PRIMA1: variants seen among roughly 807,000 people sequenced by gnomAD.
The protein encoded by PRIMA1 is proline rich membrane anchor 1, also known as proline-rich membrane anchor 1.
In PRIMA1, 7 loss-of-function variants were observed where a neutral mutation model predicts 17.5. The observed-to-expected ratio is 0.40, with a 90% CI of 0.23 to 0.75. The LOEUF (loss-of-function observed/expected upper bound fraction) is 0.75. Among genes scored for constraint, PRIMA1 ranks in the 30% least tolerant of loss-of-function variants. The pLI is 0.37. For synonymous variants in PRIMA1, 97 were observed against 77.9 expected (o/e 1.25, Z -1.29); for missense variants, 200 against 201.8 (o/e 0.99, Z 0.05).
chr14:93,783,193 C>A (rs80123966), intron 2 of PRIMA1, among the ~76,000 whole-genome samples: 5,049 of 152,316 alleles, frequency 0.033, 255 homozygotes, highest in African/African-American at 0.11. Flanking sequence ...CTTTATTAAT[C>A]CTGAACAATC....
chr14:93,729,386 G>A lies in PRIMA1; in HGVS notation c.360-7840C>T, dbSNP rs190379620. The stretch of plus-strand genomic sequence containing the variant: ...GCTACAGGTACGCATGTGAACAGCA[G>A]GGAGAGGTGACAGATGGGAACCACA... On this transcript the variant is annotated intron_variant, in intron 4 of 4. Coordinates refer to ENST00000393140, the MANE Select transcript of PRIMA1 (RefSeq NM_178013.4). Among the ~76,000 whole-genome samples the A allele has an allele frequency of 3.2e-4, 49 of 152,316 alleles. No individual in the cohort carries two copies. The East Asian group carries it at 8.7e-3, about 27-fold the overall frequency.
chr14:93,759,447 G>A (rs1053986052), intron 3 of PRIMA1, among the ~76,000 whole-genome samples: 6 of 152,238 alleles, frequency 3.9e-5, no homozygotes, highest in Middle Eastern at 3.4e-3. Flanking sequence ...GAAGGAGAGC[G>A]AAGGGCGGGG....
chr14:93,754,943 G>A (rs2076281757), intron 3 of PRIMA1, among the ~76,000 whole-genome samples: 1 of 152,172 alleles, frequency 6.6e-6, no homozygotes, highest in South Asian at 2.1e-4. Flanking sequence ...AGAAGCAAGC[G>A]CCACAGCAGC....
rs944092266 is a variant in PRIMA1 at position 93,772,511 on chromosome 14, C to T, written c.229+6665G>A. ...TGGCCTCCGCCATCTGAGTCACAGG[C>T]GGGGACAGGCAGGCCATGGCTGACA... On this transcript the variant is annotated intron_variant, in intron 3 of 4. Coordinates refer to ENST00000393140, the MANE Select transcript of PRIMA1 (RefSeq NM_178013.4). Among the ~76,000 whole-genome samples the T allele has an allele frequency of 4.6e-5, 7 of 152,216 alleles. No homozygotes were observed. In the South Asian group the frequency reaches 6.2e-4, roughly 13 times the overall value.
At chr14:93,747,740 G>T (rs759831286) in intron 3 of PRIMA1, among the ~76,000 whole-genome samples, 4 of 151,696 alleles carry the variant, frequency 2.6e-5, no homozygotes, top group Non-Finnish European at 5.9e-5. Flanking sequence ...GTGTGCGAGT[G>T]GGAAGTGTGT....
At chr14:93,735,238 A>G (rs2076141839) in intron 4 of PRIMA1, among the ~76,000 whole-genome samples, 1 of 152,156 alleles carries the variant, frequency 6.6e-6, no homozygotes, top group African/African-American at 2.4e-5. Flanking sequence ...GCAGCTACCG[A>G]AGCTAATCTT....
intron 3 of PRIMA1, among the ~76,000 whole-genome samples, chr14:93,776,117 A>C (rs1458995460): frequency 6.6e-6 from 1 of 152,222 alleles, no homozygotes; most frequent in East Asian, 1.9e-4. Flanking sequence ...GCCTGAGAGA[A>C]AAGGCAACCC....
intron 3 of PRIMA1, among the ~76,000 whole-genome samples, chr14:93,762,038 C>A (rs915594175): frequency 1.3e-5 from 2 of 152,184 alleles, no homozygotes; most frequent in African/African-American, 4.8e-5. Context: ...ACAGAAACAA[C>A]CTCCCTCGAT....
intron 3 of PRIMA1, among the ~76,000 whole-genome samples, chr14:93,767,313 G>A (rs1884918436): frequency 6.6e-6 from 1 of 152,208 alleles, no homozygotes; most frequent in South Asian, 2.1e-4. Context: ...TACAGATCAG[G>A]AAGTTGAGGT....
At chr14:93,753,642 G>A (rs930070653) in intron 3 of PRIMA1, among the ~76,000 whole-genome samples, 6 of 152,094 alleles carry the variant, frequency 3.9e-5, no homozygotes, top group Admixed American at 2.0e-4. Flanking sequence ...GCAGAACCTC[G>A]CCATCTTTCC....
At chr14:93,776,094 A>G (rs1885214576) in intron 3 of PRIMA1, among the ~76,000 whole-genome samples, 1 of 152,216 alleles carries the variant, frequency 6.6e-6, no homozygotes, top group African/African-American at 2.4e-5. Context: ...CTGGAGCTAC[A>G]GGAACTGAGC....
chr14:93,783,571 C>T (rs965974408), intron 2 of PRIMA1, among the ~76,000 whole-genome samples: 10 of 152,226 alleles, frequency 6.6e-5, no homozygotes, highest in Non-Finnish European at 1.2e-4. Flanking sequence ...CCTGAAGTAA[C>T]ATGCTCTTAG....
intron 4 of PRIMA1, 135 bp from the exon 5 acceptor site, chr14:93,721,681 C>G: frequency 1.6e-6 from 1 of 644,442 alleles, no homozygotes; most frequent in Non-Finnish European, 2.8e-6. Flanking sequence ...GCCAATGGCT[C>G]TGTCCTCGGT....
At chr14:93,750,132 G>A (rs1595206047) in intron 3 of PRIMA1, among the ~76,000 whole-genome samples, 1 of 152,266 alleles carries the variant, frequency 6.6e-6, no homozygotes, top group East Asian at 1.9e-4. Flanking sequence ...AGGTTGCAGT[G>A]TGCCGAGATC....
chr14:93,779,013 C>T (rs1449008709), intron 3 of PRIMA1, among the ~76,000 whole-genome samples, 163 bp downstream of exon 3: 4 of 151,994 alleles, frequency 2.6e-5, no homozygotes, highest in African/African-American at 4.8e-5. Context: ...GTGGGAAAGG[C>T]GTTTTGCAGA....
chr14:93,764,430 C>T (rs1884828030), intron 3 of PRIMA1, among the ~76,000 whole-genome samples: 1 of 151,854 alleles, frequency 6.6e-6, no homozygotes, highest in Non-Finnish European at 1.5e-5. Flanking sequence ...ATGTTCTGCC[C>T]CCCCGCCCCC....
At chr14:93,727,702 G>T (rs2141153103) in intron 4 of PRIMA1, among the ~76,000 whole-genome samples, 1 of 152,226 alleles carries the variant, frequency 6.6e-6, no homozygotes, top group South Asian at 2.1e-4. Flanking sequence ...ATACAGAACA[G>T]GTGGGCACAG....
chr14:93,760,120 G>T lies in PRIMA1; in HGVS notation c.229+19056C>A, dbSNP rs114477502. 7.4e-3 allele frequency among the ~76,000 whole-genome samples: 1,133 copies of T among 152,332 alleles called. 8 individuals carry two copies. Among genetic ancestry groups the T allele is most frequent in the African/African-American group, 0.026 (1,067 of 41,574 alleles). On this transcript the variant is annotated intron_variant, in intron 3 of 4. Coordinates refer to ENST00000393140, the MANE Select transcript of PRIMA1 (RefSeq NM_178013.4). ...AGCATAAATCAAGCCCCACAGCCTG[G>T]GCTGCCAGGGGGAACAAAACAAGGC...
At position 93,751,066 on chromosome 14, in the gene PRIMA1, G is replaced by A. The variant is rs550746228; in HGVS notation, c.230-13696C>T. ...GGTGACAACATTCCCTGGAAGGCTC[G>A]GGGGAGCTGCTTCCCACCTGCTGGC... On this transcript the variant is annotated intron_variant, in intron 3 of 4. Coordinates refer to ENST00000393140, the MANE Select transcript of PRIMA1 (RefSeq NM_178013.4). Among the ~76,000 whole-genome samples, 5 of 152,342 alleles carry A rather than the reference G, an allele frequency of 3.3e-5. No homozygotes were observed. The South Asian group carries it at 6.2e-4, about 19-fold the overall frequency.
Sources: allele counts gnomAD v4.1 joint callset (sites outside exome capture counted in the v4.1 genomes callset), GRCh38; gene constraint gnomAD v4.1.1; transcripts MANE v1.5; gene names NCBI Gene and HGNC (gene_info 2026-07-23, HGNC 2026-07-21).